NHSL1: variants seen among roughly 807,000 people sequenced by gnomAD.
NHSL1 encodes the protein NHS-like protein 1.
A neutral mutation model predicts 95.0 loss-of-function variants in NHSL1; 48 were observed. That is an observed-to-expected ratio of 0.51 (90% CI 0.40 to 0.64). The LOEUF (loss-of-function observed/expected upper bound fraction) is 0.64. Among genes scored for constraint, NHSL1 ranks in the 30% least tolerant of loss-of-function variants. The probability of loss-of-function intolerance (pLI) is 0.00; values close to 1 mark genes in which losing one functional copy is unlikely to be tolerated. For synonymous variants in NHSL1, 783 were observed against 833.9 expected, an observed-to-expected ratio of 0.94 and a Z score of 1.05; for missense variants, 1,971 against 2,077.7, an observed-to-expected ratio of 0.95 and a Z score of 1.00.
At chr6:138,682,886 G>A (rs1330933437) in intron 1 of NHSL1, among the ~76,000 whole-genome samples, 2 of 152,192 alleles carry the variant, frequency 1.3e-5, no homozygotes, top group East Asian at 1.9e-4. Flanking sequence ...GAGATGAACA[G>A]CTGCTGCACG....
At position 138,556,106 on chromosome 6, in the gene NHSL1, T is replaced by C. The variant is rs777734429; in HGVS notation, c.202+15604A>G. 6.6e-5 allele frequency among the ~76,000 whole-genome samples: 10 copies of C among 152,162 alleles called. 1 individual carries two copies. The Middle Eastern group carries it at 0.017, about 261-fold the overall frequency. On this transcript the variant is annotated intron_variant, in intron 1 of 6. Transcript: ENST00000427025. ...CATATATTTACTAAAATGCTTCAAA[T>C]GGCACCGAGAGAAGAAAATGTGTGG...
At chr6:138,471,781 G>A (rs767570517) in intron 3 of NHSL1, among the ~76,000 whole-genome samples, 2 of 152,154 alleles carry the variant, frequency 1.3e-5, no homozygotes, top group Non-Finnish European at 2.9e-5. Context: ...GGTAAGCACA[G>A]TGACAGATAC....
At chr6:138,527,502 G>A (rs1025428832) in intron 1 of NHSL1, among the ~76,000 whole-genome samples, 6 of 152,066 alleles carry the variant, frequency 3.9e-5, no homozygotes, top group Admixed American at 6.6e-5. Context: ...CATGAATAGC[G>A]GCTGAATTTA....
At chr6:138,544,594 T>A (rs1782711043) in intron 1 of NHSL1, among the ~76,000 whole-genome samples, 1 of 152,178 alleles carries the variant, frequency 6.6e-6, no homozygotes, top group African/African-American at 2.4e-5. Flanking sequence ...TGAACAGACT[T>A]TGAGGACAAA....
At chr6:138,545,676 C>G in exon 1 of NHSL1, 2 of 1,289,174 alleles carry the variant, frequency 1.6e-6, no homozygotes, top group Non-Finnish European at 2.0e-6. Context: ...GCTCTGTGGT[C>G]TGATGAAGCC....
chr6:138,441,545 T>A (rs1226403507), intron 5 of NHSL1, among the ~76,000 whole-genome samples: 1 of 152,218 alleles, frequency 6.6e-6, no homozygotes, highest in East Asian at 1.9e-4. Flanking sequence ...CAGACTGTTG[T>A]TTCTGATGAC....
chr6:138,650,691 AG>A lies in NHSL1; in HGVS notation c.96+41784del, dbSNP rs1785080047. 5.4e-6 allele frequency: 3 copies of A among 554,122 alleles called. No homozygotes were observed. In the Admixed American group the frequency reaches 5.7e-5, roughly 11 times the overall value. The allele number at this position is 554,122 out of a possible 1,614,324, so 34.3% of individuals were successfully genotyped here. On this transcript the variant is annotated intron_variant, in intron 1 of 3. Transcript: ENST00000491526. Reference sequence around the variant, plus strand: ...CATCCAGCACATTGAGATGACATGCAGGGGGTGGGTCAACATGCGGGACACG... The same window carrying A: ...CATCCAGCACATTGAGATGACATGCAGGGGTGGGTCAACATGCGGGACACG...
At chr6:138,437,438 AC>A (rs779592902) in intron 5 of NHSL1, among the ~76,000 whole-genome samples, 2,621 of 38,904 alleles carry the variant, frequency 0.067, 400 homozygotes, top group Non-Finnish European at 0.1. Context: ...ACACACACAC[AC>A]ACACACAAAA....
At chr6:138,669,472 G>A (rs181099806) in intron 1 of NHSL1, among the ~76,000 whole-genome samples, 1 of 152,288 alleles carries the variant, frequency 6.6e-6, no homozygotes, top group East Asian at 1.9e-4. Flanking sequence ...TCTGGAAGTA[G>A]AGGTGAATTG....
At chr6:138,558,239 C>G (rs1336339988) in intron 1 of NHSL1, among the ~76,000 whole-genome samples, 1 of 151,806 alleles carries the variant, frequency 6.6e-6, no homozygotes, top group Non-Finnish European at 1.5e-5. Context: ...TCTCCTGCCT[C>G]AGCCTCCCGA....
At chr6:138,664,949 T>C (rs749900642) in intron 1 of NHSL1, among the ~76,000 whole-genome samples, 12 of 152,202 alleles carry the variant, frequency 7.9e-5, no homozygotes, top group Non-Finnish European at 2.9e-5. Flanking sequence ...CCCACCCAGC[T>C]TTATTCAAAT....
chr6:138,649,163 C>A (rs907502764), intron 1 of NHSL1, among the ~76,000 whole-genome samples: 8 of 152,056 alleles, frequency 5.3e-5, no homozygotes, highest in Non-Finnish European at 8.8e-5. Flanking sequence ...AGTGGAAAGA[C>A]AAGAACAAGC....
intron 2 of NHSL1, among the ~76,000 whole-genome samples, chr6:138,480,521 G>T (rs1779356070): frequency 6.6e-6 from 1 of 152,150 alleles, no homozygotes. Flanking sequence ...TCCGGTCATG[G>T]GTAGTGTTGA....
At chr6:138,559,464 G>T (rs1486960658) in intron 1 of NHSL1, among the ~76,000 whole-genome samples, 1 of 152,190 alleles carries the variant, frequency 6.6e-6, no homozygotes, top group African/African-American at 2.4e-5. Context: ...CTCAGAAAAG[G>T]ACTTCCTATG....
chr6:138,641,657 G>T (rs9495173), intron 1 of NHSL1, among the ~76,000 whole-genome samples: 6,067 of 150,506 alleles, frequency 0.04, 321 homozygotes, highest in African/African-American at 0.12. Flanking sequence ...TCATGGCAGT[G>T]GGGAACTCCT....
chr6:138,661,932 G>C (rs1785232638), intron 1 of NHSL1, among the ~76,000 whole-genome samples: 1 of 152,034 alleles, frequency 6.6e-6, no homozygotes, highest in African/African-American at 2.4e-5. Flanking sequence ...TAATTAGCCA[G>C]AAGTGGTGGC....
At chr6:138,538,786 C>T (rs978731549) in intron 1 of NHSL1, among the ~76,000 whole-genome samples, 11 of 152,188 alleles carry the variant, frequency 7.2e-5, no homozygotes, top group Admixed American at 6.5e-5. Flanking sequence ...ATCATCTGAC[C>T]TTTTGAAAAC....
intron 3 of NHSL1, among the ~76,000 whole-genome samples, chr6:138,468,915 G>A (rs949345697): frequency 2.6e-5 from 4 of 152,188 alleles, no homozygotes; most frequent in Admixed American, 6.5e-5. Context: ...TCTTGCATTT[G>A]CTTTACTGTT....
upstream of NHSL1, among the ~76,000 whole-genome samples, chr6:138,693,134 G>C (rs1785711774): frequency 6.6e-6 from 1 of 151,590 alleles, no homozygotes; most frequent in Non-Finnish European, 1.5e-5. This position sits in a 1 kb window ranked among gnomAD's most constrained non-coding sequence, Gnocchi z 4.3. Flanking sequence ...AAGTTTGCAG[G>C]CGGGCAGGAA....
Sources: gnomAD v4.1 joint callset for allele counts (sites outside exome capture counted in the v4.1 genomes callset) on GRCh38, gnomAD v4.1.1 for gene constraint, Gnocchi (gnomAD v3.1) non-coding constraint, MANE v1.5 for transcripts, NCBI Gene and HGNC (gene_info 2026-07-23, HGNC 2026-07-21) for gene names.